Variants in SMARCE1 observed in about 807,000 individuals in gnomAD.
The protein encoded by SMARCE1 is SWI/SNF related BAF chromatin remodeling complex subunit E1.
A neutral mutation model predicts 54.9 loss-of-function variants in SMARCE1; 13 were observed. The ratio of observed to expected loss-of-function variants is 0.24; its 90% CI spans 0.15 to 0.38. SMARCE1 has a LOEUF of 0.38. Among genes scored for constraint, SMARCE1 ranks in the 10% least tolerant of loss-of-function variants. The pLI is 1.00. For missense variants in SMARCE1, 295 were observed against 523.8 expected (o/e 0.56, Z 4.26); for synonymous variants, 151 against 175.3 (o/e 0.86, Z 1.10).
chr17:40,638,159 T>C (rs1442395285), intron 4 of SMARCE1, among the ~76,000 whole-genome samples: 1 of 152,180 alleles, frequency 6.6e-6, no homozygotes, highest in Non-Finnish European at 1.5e-5. Context: ...TGTTACCTAG[T>C]GGTTTTCTTG....
intron 3 of SMARCE1, 73 bp downstream of exon 3, chr17:40,645,503 C>G (rs2037247233): frequency 3.6e-6 from 3 of 837,626 alleles, no homozygotes; most frequent in Non-Finnish European, 5.6e-6. Flanking sequence ...GAGTGACTGT[C>G]ACTGGAAGAC....
rs891988723 is a variant in SMARCE1, at chr17:40,637,246, A to G, written c.237+246T>C. ...CGTCATTAAATATTCTCCAAAAGAA[A>G]TGACTTTAATGGCTATAGAACATTC... On this transcript the variant is annotated intron_variant, in intron 5 of 10. Coordinates refer to ENST00000348513, the MANE Select transcript of SMARCE1 (RefSeq NM_003079.5). The G allele has an allele frequency of 1.2e-5, 6 of 481,802 alleles. No individual in the cohort carries two copies. The Admixed American group carries it at 1.4e-4, about 12-fold the overall frequency. The allele number at this position is 481,802 out of a possible 1,614,324, so 29.8% of individuals were successfully genotyped here.
intron 1 of SMARCE1, among the ~76,000 whole-genome samples, 184 bp from the exon 2 acceptor site, chr17:40,646,031 A>C (rs1361624360): frequency 6.6e-6 from 1 of 152,222 alleles, no homozygotes; most frequent in East Asian, 1.9e-4. Flanking sequence ...GTTGATTAGA[A>C]TTAAATGACT....
intron 4 of SMARCE1, among the ~76,000 whole-genome samples, chr17:40,638,784 C>T (rs1361296003): frequency 6.6e-6 from 1 of 152,098 alleles, no homozygotes; most frequent in African/African-American, 2.4e-5. Flanking sequence ...TTGGCAAATC[C>T]TTATAGGAAA....
At chr17:40,641,020 TA>T (rs1417317501) in intron 4 of SMARCE1, 1 of 152,220 alleles carries the variant, frequency 6.6e-6, no homozygotes, top group Non-Finnish European at 1.5e-5. Context: ...CAAATTACTG[TA>T]ATATTATAGT....
At chr17:40,633,411 G>A (rs531257822) in intron 7 of SMARCE1, 6 of 151,496 alleles carry the variant, frequency 4.0e-5, no homozygotes, top group Admixed American at 2.0e-4. Flanking sequence ...CTGTACTATC[G>A]TTTACTTAAT....
At chr17:40,637,212 T>C (rs1300942362) in intron 5 of SMARCE1, 7 of 415,378 alleles carry the variant, frequency 1.7e-5, no homozygotes, top group Middle Eastern at 1.4e-3. Flanking sequence ...TCACTTAACA[T>C]TTTCCTCACG....
At position 40,642,386 on chromosome 17, in the gene SMARCE1, C is replaced by T. The variant is rs2037208072; in HGVS notation, c.156+69G>A. 4 of 995,314 alleles carry T rather than the reference C, an allele frequency of 4.0e-6. No homozygotes were observed. The East Asian group carries it at 9.5e-5, about 24-fold the overall frequency. 61.7% of individuals were successfully genotyped at this position (995,314 alleles called of 1,614,324 possible). On this transcript the variant is annotated intron_variant, in intron 4 of 10. Transcript: ENST00000348513. This position sits in a 1 kb window ranked among gnomAD's most constrained non-coding sequence, Gnocchi z 4.6. ...TGGCTGTGCTTATGATTCAAAAAGACCTAATTCTGAAGGCATTTCTGGTCA... is the reference window on the plus strand; with the variant it reads ...TGGCTGTGCTTATGATTCAAAAAGATCTAATTCTGAAGGCATTTCTGGTCA...
chr17:40,629,733 T>G, intron 10 of SMARCE1: 2 of 396,126 alleles, frequency 5.0e-6, no homozygotes, highest in Non-Finnish European at 8.9e-6. Flanking sequence ...GACTGAGTGT[T>G]TGTCTAGTTG....
chr17:40,626,369 A>C lies in SMARCE1; in HGVS notation c.*2416T>G, dbSNP rs2037034848. Reference sequence around the variant, plus strand: ...CAAGGAGCAGTAAGGGCACCAAGAAAGAGCAGTTTGATCTATTTTATAATT... The same window carrying C: ...CAAGGAGCAGTAAGGGCACCAAGAACGAGCAGTTTGATCTATTTTATAATT... On this transcript the variant is annotated 3_prime_UTR_variant, in exon 11 of 11. Coordinates refer to ENST00000348513, the MANE Select transcript of SMARCE1 (RefSeq NM_003079.5). 1.3e-5 allele frequency: 2 copies of C among 152,240 alleles called. No homozygotes were observed. Among genetic ancestry groups the C allele is most frequent in the East Asian group, 1.9e-4 (1 of 5,206 alleles). 9.4% of individuals were successfully genotyped at this position (152,240 alleles called of 1,614,324 possible).
intron 7 of SMARCE1, 117 bp downstream of exon 7, chr17:40,635,814 C>A: frequency 2.6e-6 from 2 of 755,578 alleles, no homozygotes; most frequent in Non-Finnish European, 4.0e-6. Context: ...TAAGACGATA[C>A]TTAAATTATA....
intron 10 of SMARCE1, chr17:40,629,530 C>T (rs1291226632): frequency 6.5e-6 from 8 of 1,225,924 alleles, no homozygotes; most frequent in Non-Finnish European, 8.1e-6. Context: ...TAAGGTTGGT[C>T]TTTTAGACAC....
At position 40,636,532 on chromosome 17, in the gene SMARCE1, A is replaced by G. The variant is rs1194551641; in HGVS notation, c.238-6T>C. 2 of 1,608,980 alleles carry G rather than the reference A, an allele frequency of 1.2e-6. No individual in the cohort carries two copies. Among genetic ancestry groups the G allele is most frequent in the African/African-American group, 1.3e-5 (1 of 74,884 alleles). ...GCCTTTACTTGGTCCCAGACCTTAAAAAGAAAACAGATGAAATGTTAATAC... is the reference window on the plus strand; with the variant it reads ...GCCTTTACTTGGTCCCAGACCTTAAGAAGAAAACAGATGAAATGTTAATAC... On this transcript the variant is annotated splice_polypyrimidine_tract_variant and splice_region_variant and intron_variant, in intron 5 of 10. Transcript: ENST00000348513.
chr17:40,645,149 T>C (rs2037241500), intron 3 of SMARCE1: 2 of 237,034 alleles, frequency 8.4e-6, no homozygotes, highest in Non-Finnish European at 1.6e-5. Flanking sequence ...AGAAGCTTTA[T>C]TGTTTAATAT....
chr17:40,633,952 C>T (rs1396456318), intron 7 of SMARCE1: 1 of 152,174 alleles, frequency 6.6e-6, no homozygotes, highest in African/African-American at 2.4e-5. Flanking sequence ...CAGATGGGGA[C>T]ATAAGGTCTA....
chr17:40,641,466 C>T (rs1310819141), intron 4 of SMARCE1: 1 of 152,198 alleles, frequency 6.6e-6, no homozygotes, highest in Non-Finnish European at 1.5e-5. Context: ...TTGATAGCTA[C>T]AAGCTTTCAG....
rs2037044919 is a variant in SMARCE1 at position 40,627,234 on chromosome 17, G to GT, written c.*1550dup. On this transcript the variant is annotated 3_prime_UTR_variant, in exon 11 of 11. Coordinates refer to ENST00000348513, the MANE Select transcript of SMARCE1 (RefSeq NM_003079.5). The stretch of plus-strand genomic sequence containing the variant: ...AGATGTCAAGAGTTGTTTCCACCCA[G>GT]TATCAAGCTTCCTCCCCTCCTCTCT... 1 of 152,204 alleles carries GT rather than the reference G, an allele frequency of 6.6e-6. No individual in the cohort carries two copies. The highest frequency in any genetic ancestry group is 1.5e-5 in the Non-Finnish European group (1 of 68,048). The allele number at this position is 152,204 out of a possible 1,614,324, so 9.4% of individuals were successfully genotyped here.
intron 4 of SMARCE1, among the ~76,000 whole-genome samples, chr17:40,639,395 G>A (rs1435540723): frequency 2.6e-5 from 4 of 152,108 alleles, no homozygotes; most frequent in African/African-American, 9.7e-5. Context: ...CATAACTGAG[G>A]TGGTAAGACC....
intron 4 of SMARCE1, among the ~76,000 whole-genome samples, chr17:40,638,905 A>C (rs2037170056): frequency 6.6e-6 from 1 of 152,092 alleles, no homozygotes; most frequent in Non-Finnish European, 1.5e-5. Context: ...TTTTCATTTG[A>C]GGGCTCAGGG....
Sources: allele counts gnomAD v4.1 joint callset (sites outside exome capture counted in the v4.1 genomes callset), GRCh38; gene constraint gnomAD v4.1.1; non-coding constraint Gnocchi (gnomAD v3.1); transcripts MANE v1.5; gene names NCBI Gene and HGNC (gene_info 2026-07-23, HGNC 2026-07-21).